Variants in DSCAM observed in about 807,000 individuals in gnomAD.
DSCAM encodes DS cell adhesion molecule.
A neutral mutation model predicts 217.7 loss-of-function variants in DSCAM; 47 were observed. The observed-to-expected ratio is 0.22, with a 90% confidence interval of 0.17 to 0.28. The LOEUF (loss-of-function observed/expected upper bound fraction) is 0.28, where lower values mean the gene tolerates loss of function less well. DSCAM is among the 10% of genes least tolerant of loss of function. DSCAM has a pLI of 1.00. For synonymous variants in DSCAM, 1,056 were observed against 1,015.3 expected, an observed-to-expected ratio of 1.04 and a Z score of -0.76; for missense variants, 2,080 against 2,618.3, an observed-to-expected ratio of 0.79 and a Z score of 4.49.
intron 1 of DSCAM, among the ~76,000 whole-genome samples, chr21:40,712,933 T>C (rs150665250): frequency 6.6e-6 from 1 of 152,134 alleles, no homozygotes; most frequent in Non-Finnish European, 1.5e-5. Flanking sequence ...AAAGCCTACA[T>C]ACTGATGTGA....
chr21:40,325,849 A>G (rs889575629), intron 8 of DSCAM, among the ~76,000 whole-genome samples: 1 of 152,182 alleles, frequency 6.6e-6, no homozygotes, highest in Non-Finnish European at 1.5e-5. Flanking sequence ...GAGAGTGGCT[A>G]TGCAATTATT....
intron 11 of DSCAM, among the ~76,000 whole-genome samples, chr21:40,210,264 C>G (rs1009195012): frequency 2.6e-5 from 4 of 152,226 alleles, no homozygotes; most frequent in Non-Finnish European, 4.4e-5. Context: ...CCTGACCTCA[C>G]CCCTACAAGG....
rs1273674217 is a variant in DSCAM, at chr21:40,013,035, T to C, written c.6038A>G (p.Ter2013=). 3.4e-6 allele frequency: 5 copies of C among 1,482,910 alleles called. No homozygotes were observed. Among genetic ancestry groups the C allele is most frequent in the Non-Finnish European group, 4.5e-6 (5 of 1,114,282 alleles). 91.9% of individuals were successfully genotyped at this position (1,482,910 alleles called of 1,614,324 possible). ...NPYAKSYTLV[*] The stretch of plus-strand genomic sequence containing the variant: ...ACCGCTGTCCAGTCATGCTGTCTGT[T>C]ATACCAGGGTGTAAGATTTTGCGTA... Residue 2013 remains the stop codon, a stop_retained_variant, in exon 33 of 33, where the codon TAA becomes TGA. Coordinates refer to ENST00000400454, the MANE Select transcript of DSCAM (RefSeq NM_001389.5).
At chr21:40,605,788 A>ATTTTT (rs1491361981) in intron 3 of DSCAM, among the ~76,000 whole-genome samples, 4 of 92,498 alleles carry the variant, frequency 4.3e-5, no homozygotes, top group African/African-American at 1.6e-4. Context: ...CTTAATGCAC[A>ATTTTT]TTCTTTTTTT....
At chr21:40,579,135 C>T (rs2076882010) in intron 3 of DSCAM, among the ~76,000 whole-genome samples, 1 of 152,098 alleles carries the variant, frequency 6.6e-6, no homozygotes, top group Admixed American at 6.5e-5. Context: ...CTCACACAGA[C>T]CACAGCCCAC....
chr21:40,788,283 A>G (rs2091610649), intron 1 of DSCAM, among the ~76,000 whole-genome samples: 1 of 152,238 alleles, frequency 6.6e-6, no homozygotes, highest in Non-Finnish European at 1.5e-5. Flanking sequence ...TCTTAATCTA[A>G]AAGGACAACA....
chr21:40,205,605 A>G (rs1258634362), intron 11 of DSCAM, among the ~76,000 whole-genome samples: 1 of 138,200 alleles, frequency 7.2e-6, no homozygotes, highest in Non-Finnish European at 1.5e-5. Flanking sequence ...TCTATCTCAA[A>G]AAAAAAAAAA....
intron 1 of DSCAM, among the ~76,000 whole-genome samples, chr21:40,723,081 T>C (rs2090918701): frequency 6.8e-6 from 1 of 147,212 alleles, no homozygotes; most frequent in Non-Finnish European, 1.5e-5. Flanking sequence ...GAGCTGGGTC[T>C]CTCTCGCTCT....
At chr21:40,747,605 C>T (rs897610127) in intron 1 of DSCAM, among the ~76,000 whole-genome samples, 5 of 151,834 alleles carry the variant, frequency 3.3e-5, no homozygotes, top group African/African-American at 1.2e-4. Flanking sequence ...AATGGTATCA[C>T]TGATAAATTC....
In DSCAM at chr21:40,620,300, AAG is replaced by A. The variant is rs1243325826; in HGVS notation, c.508+72508_508+72509del. ...GAGAGAAAGAGAGAGAAAAAAGAAA[AAG>A]AAAGAGAGAGAGAAAGAGAGAGAAA... On this transcript the variant is annotated intron_variant, in intron 3 of 32. Transcript: ENST00000400454. Among the ~76,000 whole-genome samples the A allele has an allele frequency of 1.6e-5, 2 of 122,212 alleles. 1 individual carries two copies. Among genetic ancestry groups the A allele is most frequent in the African/African-American group, 5.7e-5 (2 of 34,992 alleles). 80.2% of individuals were successfully genotyped at this position (122,212 alleles called of 152,430 possible). A position where few individuals can be genotyped will look rare whatever the true frequency, so the allele number is the denominator to read the frequency against.
At chr21:40,605,537 C>G (rs2089222732) in intron 3 of DSCAM, among the ~76,000 whole-genome samples, 1 of 152,078 alleles carries the variant, frequency 6.6e-6, no homozygotes, top group African/African-American at 2.4e-5. Context: ...CCTGAAGTGT[C>G]CTATTGTAAT....
chr21:40,276,661 A>G (rs1451988172), intron 10 of DSCAM, among the ~76,000 whole-genome samples: 1 of 152,316 alleles, frequency 6.6e-6, no homozygotes, highest in East Asian at 1.9e-4. Context: ...TATGAATGTA[A>G]ACAAGGAGTG....
chr21:40,291,670 A>G (rs2073894123), intron 10 of DSCAM, among the ~76,000 whole-genome samples: 1 of 152,074 alleles, frequency 6.6e-6, no homozygotes, highest in Admixed American at 6.5e-5. Flanking sequence ...CACAGGACTC[A>G]TCTGTCTTTA....
chr21:40,594,835 A>G (rs1233085579), intron 3 of DSCAM, among the ~76,000 whole-genome samples: 3 of 152,232 alleles, frequency 2.0e-5, no homozygotes, highest in Admixed American at 1.3e-4. Flanking sequence ...ATGCCAAGAC[A>G]GTAACCTCAG....
At chr21:40,160,932 A>G (rs763710462) in intron 16 of DSCAM, among the ~76,000 whole-genome samples, 11 of 152,194 alleles carry the variant, frequency 7.2e-5, no homozygotes, top group African/African-American at 2.2e-4. Flanking sequence ...TCCAAGTTCA[A>G]TTTGTGTCCT....
At position 40,103,341 on chromosome 21, in the gene DSCAM, C is replaced by T. The variant is rs182483845; in HGVS notation, c.3697-9467G>A. On this transcript the variant is annotated intron_variant, in intron 20 of 32. Transcript: ENST00000400454. ...GTCCACAGCAGTGAAAAAAAAACTC[C>T]CCCAAGCAATAAACAAAATTGATAG... 7.8e-3 allele frequency among the ~76,000 whole-genome samples: 1,179 copies of T among 152,066 alleles called. 12 individuals are homozygous for T. Among genetic ancestry groups the T allele is most frequent in the Non-Finnish European group, 0.011 (763 of 67,990 alleles).
intron 1 of DSCAM, among the ~76,000 whole-genome samples, chr21:40,802,249 C>G (rs1039388419): frequency 6.6e-6 from 1 of 152,214 alleles, no homozygotes; most frequent in Non-Finnish European, 1.5e-5. Flanking sequence ...GGGTTTCAGA[C>G]TTGGTTGGGA....
chr21:40,205,192 G>A (rs141862435), intron 11 of DSCAM, among the ~76,000 whole-genome samples: 89 of 152,306 alleles, frequency 5.8e-4, no homozygotes, highest in African/African-American at 1.6e-3. Flanking sequence ...AGGTATTGAC[G>A]GCTCTAAATG....
chr21:40,035,541 C>CTT, intron 32 of DSCAM, among the ~76,000 whole-genome samples: 1 of 133,428 alleles, frequency 7.5e-6, no homozygotes, highest in Non-Finnish European at 1.6e-5. Context: ...TACAAAGAGA[C>CTT]TTAGACTCCC....
Sources: gnomAD v4.1 joint callset for allele counts (sites outside exome capture counted in the v4.1 genomes callset) on GRCh38, gnomAD v4.1.1 for gene constraint, MANE v1.5 for transcripts, NCBI Gene and HGNC (gene_info 2026-07-23, HGNC 2026-07-21) for gene names.